Variants in MAP3K15 observed in about 807,000 individuals in gnomAD.
MAP3K15 encodes the protein mitogen-activated protein kinase kinase kinase 15, also known as MAPK/ERK kinase kinase 15.
In MAP3K15, 124 loss-of-function variants were observed where a neutral mutation model predicts 99.5. The ratio of observed to expected loss-of-function variants is 1.25; its 90% CI spans 1.08 to 1.45. The LOEUF (loss-of-function observed/expected upper bound fraction) is 1.45, where lower values mean the gene tolerates loss of function less well. Among genes scored for constraint, MAP3K15 ranks in the 40% most tolerant of loss-of-function variants. The pLI is 0.00. For missense variants in MAP3K15, 1,242 were observed against 1,079.7 expected (o/e 1.15, Z -2.11); for synonymous variants, 494 against 439.6 (o/e 1.12, Z -1.55).
chrX:19,418,358 G>T lies in MAP3K15; in HGVS notation c.1440-3101C>A, dbSNP rs776000713. On this transcript the variant is annotated intron_variant, in intron 9 of 28. Transcript: ENST00000338883. ...AGAGAAGTCCTTAAAGGACCTGATG[G>T]AGCTGAAAACCAAGGCACAAGAACT... is the stretch of plus-strand genomic sequence containing the variant. Among the ~76,000 whole-genome samples, 5 of 111,520 alleles carry T rather than the reference G, an allele frequency of 4.5e-5. No individual in the cohort carries two copies. In the East Asian group the frequency reaches 1.4e-3, roughly 31 times the overall value.
At chrX:19,477,527 G>T in intron 3 of MAP3K15, among the ~76,000 whole-genome samples, 2 of 107,552 alleles carry the variant, frequency 1.9e-5, no homozygotes, top group African/African-American at 3.4e-5. Context: ...CTGGCCAACA[G>T]GGTTAAACCC....
At chrX:19,378,867 A>G (rs1020312580) in intron 19 of MAP3K15, among the ~76,000 whole-genome samples, 2 of 111,238 alleles carry the variant, frequency 1.8e-5, no homozygotes, top group Non-Finnish European at 3.8e-5. Flanking sequence ...GCCCCAGTAC[A>G]TGGGCTGCCC....
At chrX:19,379,441 C>CTTTTTTTT (rs770431394) in intron 19 of MAP3K15, among the ~76,000 whole-genome samples, 2 of 62,349 alleles carry the variant, frequency 3.2e-5, no homozygotes, top group East Asian at 4.2e-4. Flanking sequence ...AGTGTTTTTC[C>CTTTTTTTT]TTTTTTTTTT....
intron 9 of MAP3K15, among the ~76,000 whole-genome samples, chrX:19,424,804 G>A (rs777070191): frequency 2.6e-3 from 275 of 107,647 alleles, no homozygotes; most frequent in Non-Finnish European, 4.3e-3. Flanking sequence ...GCACCACCAT[G>A]CCTGGCTATT....
chrX:19,400,337 G>C (rs187102000), intron 14 of MAP3K15, among the ~76,000 whole-genome samples: 204 of 111,618 alleles, frequency 1.8e-3, no homozygotes, highest in African/African-American at 6.2e-3. Flanking sequence ...TTCACAAAAG[G>C]AAATTTTAGT....
In MAP3K15 at chrX:19,360,200, C is replaced by CTAT. The variant is rs770933958; in HGVS notation, c.*546_*548dup. 2.2e-5 allele frequency: 3 copies of CTAT among 137,335 alleles called. No homozygotes were observed. Among genetic ancestry groups the CTAT allele is most frequent in the East Asian group, 4.4e-4 (2 of 4,545 alleles). 11.3% of individuals were successfully genotyped at this position (137,335 alleles called of 1,213,427 possible). The stretch of plus-strand genomic sequence containing the variant: ...TTACACATTCAGTATAAATATGAAG[C>CTAT]TATTTTCTGTTCATATCAAACATTA... On this transcript the variant is annotated 3_prime_UTR_variant, in exon 29 of 29. Coordinates refer to ENST00000338883, the MANE Select transcript of MAP3K15 (RefSeq NM_001001671.4).
chrX:19,511,255 C>T (rs768013795), intron 1 of MAP3K15, among the ~76,000 whole-genome samples: 3 of 112,067 alleles, frequency 2.7e-5, no homozygotes, highest in African/African-American at 9.7e-5. Flanking sequence ...AGGACATAGG[C>T]ATGGGCAAGG....
intron 28 of MAP3K15, chrX:19,361,097 T>C (rs1368271274): frequency 4.8e-6 from 2 of 420,312 alleles, no homozygotes; most frequent in Non-Finnish European, 8.2e-6. Flanking sequence ...GCTTGCCATG[T>C]GCCTCCACCC....
intron 7 of MAP3K15, among the ~76,000 whole-genome samples, chrX:19,428,644 C>T (rs770226046): frequency 1.8e-5 from 2 of 111,859 alleles, no homozygotes; most frequent in South Asian, 7.5e-4. Context: ...GGCTATCTCA[C>T]CTAGATACTT....
intron 3 of MAP3K15, among the ~76,000 whole-genome samples, chrX:19,467,625 G>A (rs969795720): frequency 9.2e-6 from 1 of 108,264 alleles, no homozygotes; most frequent in African/African-American, 3.3e-5. Flanking sequence ...AAATTAGCCA[G>A]GTGTGGTGGC....
rs34757150 is a variant in MAP3K15, at chrX:19,452,398, A to AAG, written c.995+4513_995+4514dup. 8.1e-4 allele frequency among the ~76,000 whole-genome samples: 12 copies of AAG among 14,782 alleles called. 4 individuals are homozygous for AAG. The highest frequency in any genetic ancestry group is 6.9e-3 in the Admixed American group (5 of 728). The allele number at this position is 14,782 out of a possible 115,157, so 12.8% of individuals were successfully genotyped here. On this transcript the variant is annotated intron_variant, in intron 6 of 28. Transcript: ENST00000338883. Reference sequence around the variant, plus strand: ...AGAGAGAAAAGAAAAGAGAAAAGAAAAGAAAAGAAAAGAAAAGAAAAGAAG... The same window carrying AAG: ...AGAGAGAAAAGAAAAGAGAAAAGAAAAGAGAAAAGAAAAGAAAAGAAAAGAAG...
At chrX:19,465,859 G>GTGTGTA in intron 3 of MAP3K15, among the ~76,000 whole-genome samples, 1 of 109,718 alleles carries the variant, frequency 9.1e-6, no homozygotes, top group Admixed American at 9.8e-5. Flanking sequence ...GTGTGTGTGT[G>GTGTGTA]TGTGTGATAA....
intron 1 of MAP3K15, among the ~76,000 whole-genome samples, chrX:19,509,178 C>A (rs1408464893): frequency 9.0e-6 from 1 of 111,401 alleles, no homozygotes; most frequent in Admixed American, 9.6e-5. Context: ...GCTGTGAGAA[C>A]AGGACACAGG....
At chrX:19,500,018 G>A (rs776736044) in intron 1 of MAP3K15, among the ~76,000 whole-genome samples, 12 of 112,544 alleles carry the variant, frequency 1.1e-4, no homozygotes, top group Admixed American at 2.8e-4. Context: ...AGGCCAAGGC[G>A]GGTGGATCAC....
intron 9 of MAP3K15, among the ~76,000 whole-genome samples, chrX:19,418,204 C>A (rs746786508): frequency 9.0e-6 from 1 of 111,229 alleles, no homozygotes; most frequent in Non-Finnish European, 1.9e-5. Flanking sequence ...ATGACTTTGA[C>A]GAGTTAAGAG....
At chrX:19,420,406 C>T (rs2063773679) in intron 9 of MAP3K15, among the ~76,000 whole-genome samples, 1 of 111,711 alleles carries the variant, frequency 9.0e-6, no homozygotes, top group Admixed American at 9.5e-5. Context: ...ATACTACAAA[C>T]ACCTCTACGC....
intron 9 of MAP3K15, among the ~76,000 whole-genome samples, chrX:19,418,244 G>A (rs748015143): frequency 4.5e-5 from 5 of 111,032 alleles, no homozygotes; most frequent in East Asian, 2.8e-4. Flanking sequence ...AAACTACTCC[G>A]AGCTAAAGGA....
chrX:19,492,689 G>A (rs755207383), intron 1 of MAP3K15, among the ~76,000 whole-genome samples: 26 of 111,690 alleles, frequency 2.3e-4, no homozygotes, highest in Non-Finnish European at 4.5e-4. Flanking sequence ...GTTTCAGGCC[G>A]GGCGCGGTGG....
chrX:19,392,609 A>T, intron 16 of MAP3K15, 136 bp from the exon 17 acceptor site: 1 of 592,420 alleles, frequency 1.7e-6, no homozygotes, highest in African/African-American at 2.3e-5. Context: ...TAAATGCAAC[A>T]TGTTTCCTCC....
Sources: allele counts gnomAD v4.1 joint callset (sites outside exome capture counted in the v4.1 genomes callset), GRCh38; gene constraint gnomAD v4.1.1; transcripts MANE v1.5; gene names NCBI Gene and HGNC (gene_info 2026-07-23, HGNC 2026-07-21).